SPHKAP: variants seen among roughly 807,000 people sequenced by gnomAD.
SPHKAP encodes SPHK1 interactor, AKAP domain containing.
In SPHKAP, 67 loss-of-function variants were observed where a neutral mutation model predicts 137.5. The observed-to-expected ratio is 0.49, with a 90% confidence interval of 0.40 to 0.60. The LOEUF (loss-of-function observed/expected upper bound fraction) is 0.60, where lower values mean the gene tolerates loss of function less well. Among genes scored for constraint, SPHKAP ranks in the 20% least tolerant of loss-of-function variants. SPHKAP has a pLI of 0.00. For synonymous variants in SPHKAP, 813 were observed against 785.3 expected (o/e 1.04, Z -0.59); for missense variants, 2,097 against 2,069.3 (o/e 1.01, Z -0.26).
At chr2:228,078,323 A>T (rs1343455131) in intron 3 of SPHKAP, among the ~76,000 whole-genome samples, 2 of 152,076 alleles carry the variant, frequency 1.3e-5, no homozygotes, top group Non-Finnish European at 2.9e-5. Context: ...CAACACAGAG[A>T]AGTAGTATTT....
intron 2 of SPHKAP, among the ~76,000 whole-genome samples, chr2:228,114,827 C>T (rs1698653024): frequency 6.6e-6 from 1 of 152,112 alleles, no homozygotes; most frequent in Non-Finnish European, 1.5e-5. Context: ...AACCAATGCT[C>T]ATTGAGCTTT....
At chr2:228,117,954 A>G (rs1361335632) in intron 2 of SPHKAP, among the ~76,000 whole-genome samples, 1 of 151,960 alleles carries the variant, frequency 6.6e-6, no homozygotes, top group African/African-American at 2.4e-5. Context: ...GTGACATACT[A>G]AGAGATAAAA....
intron 3 of SPHKAP, among the ~76,000 whole-genome samples, chr2:228,032,726 C>T (rs1213693949): frequency 1.3e-5 from 2 of 152,188 alleles, no homozygotes; most frequent in African/African-American, 2.4e-5. Context: ...CAATATTCAA[C>T]ATTCTTAAAG....
chr2:228,149,272 C>A (rs535993502), intron 1 of SPHKAP, among the ~76,000 whole-genome samples: 170 of 152,140 alleles, frequency 1.1e-3, no homozygotes, highest in African/African-American at 3.8e-3. Flanking sequence ...TTTTGCAATG[C>A]AAATCATGCA....
intron 1 of SPHKAP, among the ~76,000 whole-genome samples, chr2:228,154,036 T>A (rs985260706): frequency 2.0e-5 from 3 of 152,186 alleles, no homozygotes; most frequent in Non-Finnish European, 4.4e-5. Context: ...CTCCTCACTC[T>A]CGCTCAGTTA....
At chr2:227,996,958 A>G (rs973478946) in intron 7 of SPHKAP, among the ~76,000 whole-genome samples, 3 of 152,236 alleles carry the variant, frequency 2.0e-5, no homozygotes, top group Non-Finnish European at 2.9e-5. Flanking sequence ...AAGCCCAGTG[A>G]GATTGGAGGG....
intron 2 of SPHKAP, among the ~76,000 whole-genome samples, chr2:228,112,017 A>G (rs1349602005): frequency 6.6e-5 from 10 of 152,152 alleles, no homozygotes; most frequent in Non-Finnish European, 1.0e-4. Flanking sequence ...TGTAAATTAT[A>G]TAATGTAATT....
intron 3 of SPHKAP, among the ~76,000 whole-genome samples, chr2:228,088,745 G>A (rs1419396140): frequency 6.6e-6 from 1 of 152,046 alleles, no homozygotes; most frequent in South Asian, 2.1e-4. Context: ...AAAGAGCATG[G>A]CACCTCCCTC....
In SPHKAP at chr2:228,086,653, G is replaced by A. The variant is rs114686280; in HGVS notation, c.246+22179C>T. On this transcript the variant is annotated intron_variant, in intron 3 of 11. Transcript: ENST00000392056. ...GGTTCCACACTAAGAAAGTCAAACC[G>A]GACCTCGGAGGATACCAGTCTACCT... is the stretch of plus-strand genomic sequence containing the variant. Among the ~76,000 whole-genome samples, 1,376 of 152,112 alleles carry A rather than the reference G, an allele frequency of 9.0e-3. 24 individuals are homozygous for A. The highest frequency in any genetic ancestry group is 0.031 in the African/African-American group (1,286 of 41,476).
chr2:228,093,880 A>AAAAC (rs1440021152), intron 3 of SPHKAP, among the ~76,000 whole-genome samples: 1 of 150,936 alleles, frequency 6.6e-6, no homozygotes, highest in Non-Finnish European at 1.5e-5. Context: ...AAAAAAAAAA[A>AAAAC]AAAAAACAAA....
At chr2:228,165,021 C>T (rs182404380) in intron 1 of SPHKAP, among the ~76,000 whole-genome samples, 5 of 152,204 alleles carry the variant, frequency 3.3e-5, no homozygotes, top group Non-Finnish European at 7.4e-5. Context: ...CTGATATTAT[C>T]TGATATACAG....
intron 3 of SPHKAP, among the ~76,000 whole-genome samples, chr2:228,071,281 C>T (rs1696996928): frequency 6.6e-6 from 1 of 152,144 alleles, no homozygotes; most frequent in Non-Finnish European, 1.5e-5. Flanking sequence ...GACAAGTTTT[C>T]CCCCCAAATA....
In SPHKAP at chr2:228,048,346, G is replaced by C. The variant is rs75041632; in HGVS notation, c.247-20803C>G. Among the ~76,000 whole-genome samples the C allele has an allele frequency of 4.3e-3, 603 of 140,010 alleles. 16 individuals are homozygous for C. Among genetic ancestry groups the C allele is most frequent in the East Asian group, 0.038 (162 of 4,260 alleles). The allele number at this position is 140,010 out of a possible 152,430, so 91.9% of individuals were successfully genotyped here. A position where few individuals can be genotyped will look rare whatever the true frequency, so the allele number is the denominator to read the frequency against. On this transcript the variant is annotated intron_variant, in intron 3 of 11. Transcript: ENST00000392056. ...TGAATACCTTTTGGTGAAACGGGGGGGTGGAGATGGGTGGGGGGTATTTAC... is the reference window on the plus strand; with the variant it reads ...TGAATACCTTTTGGTGAAACGGGGGCGTGGAGATGGGTGGGGGGTATTTAC...
At chr2:228,093,833 C>T (rs943163351) in intron 3 of SPHKAP, among the ~76,000 whole-genome samples, 3 of 128,312 alleles carry the variant, frequency 2.3e-5, no homozygotes, top group Non-Finnish European at 3.1e-5. Context: ...GCACTCCAGC[C>T]TGGGCGACAG....
At chr2:228,097,052 G>C (rs1698008808) in intron 3 of SPHKAP, among the ~76,000 whole-genome samples, 1 of 152,112 alleles carries the variant, frequency 6.6e-6, no homozygotes, top group South Asian at 2.1e-4. Context: ...AGACAGACAT[G>C]TTAATCCAAA....
intron 7 of SPHKAP, among the ~76,000 whole-genome samples, chr2:228,014,374 C>A (rs1051624389): frequency 6.6e-6 from 1 of 152,152 alleles, no homozygotes; most frequent in Non-Finnish European, 1.5e-5. Flanking sequence ...ACTCTGATCA[C>A]TTTAAAAAAT....
chr2:228,024,060 G>C (rs1694939714), intron 5 of SPHKAP, among the ~76,000 whole-genome samples: 1 of 152,156 alleles, frequency 6.6e-6, no homozygotes, highest in Non-Finnish European at 1.5e-5. Context: ...GGCCACAAGA[G>C]AAAAATCCAT....
chr2:228,017,239 G>T lies in SPHKAP; in HGVS notation c.3615C>A (p.Asp1205Glu). The T allele has an allele frequency of 6.2e-7, 1 of 1,614,030 alleles. No individual in the cohort carries two copies. The highest frequency in any genetic ancestry group is 1.1e-5 in the South Asian group (1 of 91,082). Residue 1205 changes from aspartate to glutamate, a missense_variant, in exon 7 of 12, where the codon GAC becomes GAA. Asp to Glu is a conservative substitution (Grantham distance 45, BLOSUM62 2). Coordinates refer to ENST00000392056, the MANE Select transcript of SPHKAP (RefSeq NM_001142644.2). ...YRYMLRDIER[D>E]SRESASSRRS... ...GTCTGGAGGAGGCACTTTCTCTGCT[G>T]TCTCTTTCGATGTCCCTCAGCATGT...
At chr2:228,093,872 A>G (rs1005955373) in intron 3 of SPHKAP, among the ~76,000 whole-genome samples, 2 of 149,914 alleles carry the variant, frequency 1.3e-5, no homozygotes, top group African/African-American at 4.9e-5. Context: ...AAAAAAAAAA[A>G]AAAAAAAAAA....
Sources: gnomAD v4.1 joint callset for allele counts (sites outside exome capture counted in the v4.1 genomes callset) on GRCh38, gnomAD v4.1.1 for gene constraint, MANE v1.5 for transcripts, NCBI Gene and HGNC (gene_info 2026-07-23, HGNC 2026-07-21) for gene names.